Variants in ERBB4 observed in about 807,000 individuals in gnomAD.
ERBB4 encodes the protein receptor tyrosine-protein kinase erbB-4.
A neutral mutation model predicts 158.0 loss-of-function variants in ERBB4; 42 were observed. The observed-to-expected ratio is 0.27, with a 90% confidence interval of 0.21 to 0.34. ERBB4 has a LOEUF of 0.34. Ranked by LOEUF, ERBB4 falls within the 10% of genes least tolerant of loss-of-function variation. ERBB4 has a pLI of 1.00. For missense variants in ERBB4, 1,333 were observed against 1,624.1 expected (o/e 0.82, Z 3.08); for synonymous variants, 583 against 558.7 (o/e 1.04, Z -0.61).
In ERBB4 at chr2:211,480,658, T is replaced by C. The variant is rs540614788; in HGVS notation, c.2488-49558A>G. On this transcript the variant is annotated intron_variant, in intron 20 of 27. Coordinates refer to ENST00000342788, the MANE Select transcript of ERBB4 (RefSeq NM_005235.3). ...TGGCATGAGAACAGACTAATACACT[T>C]GGGTATGAGGAATCTGGTGTTCCAG... Among the ~76,000 whole-genome samples, 63 of 152,254 alleles carry C rather than the reference T, an allele frequency of 4.1e-4. 1 individual carries two copies. Among genetic ancestry groups the C allele is most frequent in the African/African-American group, 1.4e-3 (57 of 41,554 alleles).
chr2:212,533,428 T>A (rs1361962634), intron 1 of ERBB4, among the ~76,000 whole-genome samples: 1 of 152,178 alleles, frequency 6.6e-6, no homozygotes, highest in Non-Finnish European at 1.5e-5. Flanking sequence ...AGTGAGTTGC[T>A]GAAGGTATTA....
At chr2:211,757,371 A>G (rs945947064) in intron 4 of ERBB4, among the ~76,000 whole-genome samples, 4 of 152,156 alleles carry the variant, frequency 2.6e-5, no homozygotes, top group Non-Finnish European at 5.9e-5. Context: ...TATCGTTGGG[A>G]TTTTTCATCT....
intron 25 of ERBB4, among the ~76,000 whole-genome samples, chr2:211,389,543 C>T (rs2062758407): frequency 6.6e-6 from 1 of 152,150 alleles, no homozygotes; most frequent in Non-Finnish European, 1.5e-5. Context: ...ATTTTCCCTA[C>T]AACTATGGTG....
intron 20 of ERBB4, among the ~76,000 whole-genome samples, chr2:211,481,231 A>G (rs2065074637): frequency 6.6e-6 from 1 of 152,236 alleles, no homozygotes; most frequent in South Asian, 2.1e-4. Flanking sequence ...TAAGAAAGAG[A>G]TAATTGATAT....
At chr2:211,398,433 T>C (rs2062965604) in intron 25 of ERBB4, among the ~76,000 whole-genome samples, 1 of 152,172 alleles carries the variant, frequency 6.6e-6, no homozygotes, top group African/African-American at 2.4e-5. Flanking sequence ...ATGAAAATCT[T>C]AATTATGGTA....
intron 20 of ERBB4, among the ~76,000 whole-genome samples, chr2:211,444,976 C>T (rs971807869): frequency 6.6e-6 from 1 of 151,932 alleles, no homozygotes; most frequent in African/African-American, 2.4e-5. Flanking sequence ...GGATAAAATA[C>T]AGTAAGAACA....
intron 25 of ERBB4, among the ~76,000 whole-genome samples, chr2:211,418,354 T>C (rs1264218356): frequency 2.0e-5 from 3 of 152,094 alleles, no homozygotes; most frequent in Admixed American, 6.6e-5. Context: ...TAGGACAATA[T>C]AGATGACAAA....
chr2:212,259,797 T>G (rs116596304), intron 1 of ERBB4, among the ~76,000 whole-genome samples: 5,098 of 152,170 alleles, frequency 0.034, 93 homozygotes, highest in Non-Finnish European at 0.042. Flanking sequence ...GGGCCTGGTG[T>G]GGTGGCTCAC....
At chr2:211,702,274 T>G (rs2073282618) in intron 11 of ERBB4, 108 bp from the exon 12 acceptor site, 3 of 838,178 alleles carry the variant, frequency 3.6e-6, no homozygotes, top group Non-Finnish European at 6.1e-6. Context: ...AAATGGAAAC[T>G]GAATCAATAA....
chr2:211,982,722 C>T (rs1016135848), intron 2 of ERBB4, among the ~76,000 whole-genome samples: 10 of 152,116 alleles, frequency 6.6e-5, no homozygotes, highest in African/African-American at 2.4e-4. Context: ...TGTTTTGCCA[C>T]TTCATAGAGG....
At chr2:212,388,121 T>C (rs553038353) in intron 1 of ERBB4, among the ~76,000 whole-genome samples, 34 of 152,094 alleles carry the variant, frequency 2.2e-4, no homozygotes, top group Non-Finnish European at 2.2e-4. Context: ...AATTCTCAGT[T>C]GAGGAGTAAT....
chr2:211,451,238 G>T (rs545111677), intron 20 of ERBB4, among the ~76,000 whole-genome samples: 1 of 152,318 alleles, frequency 6.6e-6, no homozygotes, highest in South Asian at 2.1e-4. Context: ...GAATGGCATT[G>T]TAAGAAGAGG....
At chr2:211,938,146 A>AGC (rs2080380201) in intron 3 of ERBB4, among the ~76,000 whole-genome samples, 1 of 152,292 alleles carries the variant, frequency 6.6e-6, no homozygotes, top group South Asian at 2.1e-4. Flanking sequence ...CTATTTTTTT[A>AGC]CCAAAATCAA....
Position 212,342,611 on chromosome 2 carries a change from T to A in ERBB4, c.82+195838A>T, listed in dbSNP as rs1254372034. ...GTGTGAATTTTTAGCCTCACATTCA[T>A]GAAAACAAAGCCATATATCTGGGTT... On this transcript the variant is annotated intron_variant, in intron 1 of 27. Transcript: ENST00000342788. Among the ~76,000 whole-genome samples, 4 of 152,286 alleles carry A rather than the reference T, an allele frequency of 2.6e-5. No individual in the cohort carries two copies. In the East Asian group the frequency reaches 7.7e-4, roughly 29 times the overall value.
At chr2:211,679,031 C>CAACCCTAG in intron 13 of ERBB4, 21 bp downstream of exon 13, 1 of 1,578,628 alleles carries the variant, frequency 6.3e-7, no homozygotes, top group Non-Finnish European at 8.6e-7. Flanking sequence ...GAGGTGAAGG[C>CAACCCTAG]AACCCTAGAA....
intron 21 of ERBB4, among the ~76,000 whole-genome samples, chr2:211,428,849 C>T (rs1209584635): frequency 2.0e-5 from 3 of 151,952 alleles, no homozygotes; most frequent in East Asian, 3.9e-4. Flanking sequence ...TCTGAGTAGC[C>T]GGGACCACAG....
At chr2:212,193,933 G>A (rs548817509) in intron 1 of ERBB4, among the ~76,000 whole-genome samples, 1 of 151,966 alleles carries the variant, frequency 6.6e-6, no homozygotes, top group South Asian at 2.1e-4. Context: ...TTTTTTCCTT[G>A]TAATTCTAGA....
chr2:211,884,901 G>A (rs1188140243), intron 3 of ERBB4, among the ~76,000 whole-genome samples: 1 of 151,996 alleles, frequency 6.6e-6, no homozygotes, highest in East Asian at 1.9e-4. Flanking sequence ...TAAAATTAGA[G>A]TCAACAATAG....
At chr2:211,959,987 T>C (rs1160025882) in intron 2 of ERBB4, among the ~76,000 whole-genome samples, 3 of 151,922 alleles carry the variant, frequency 2.0e-5, no homozygotes, top group Non-Finnish European at 4.4e-5. Context: ...ACCCTGTGTG[T>C]ACACAGGGGT....
Sources: allele counts gnomAD v4.1 joint callset (sites outside exome capture counted in the v4.1 genomes callset), GRCh38; gene constraint gnomAD v4.1.1; transcripts MANE v1.5; gene names NCBI Gene and HGNC (gene_info 2026-07-23, HGNC 2026-07-21).